Variants in PTPRT observed in about 807,000 individuals in gnomAD.
The protein encoded by PTPRT is receptor-type tyrosine-protein phosphatase T.
PTPRT carries 56 observed loss-of-function variants against 176.8 expected under a neutral mutation model. That is an observed-to-expected ratio of 0.32 (90% confidence interval 0.26 to 0.40). The LOEUF is 0.40. Ranked by LOEUF, PTPRT falls within the 10% of genes least tolerant of loss-of-function variation. The probability of loss-of-function intolerance (pLI) is 1.00; values close to 1 mark genes in which losing one functional copy is unlikely to be tolerated. For missense variants in PTPRT, 1,540 were observed against 1,908.2 expected (o/e 0.81, Z 3.60); for synonymous variants, 783 against 739.0 (o/e 1.06, Z -0.96).
At chr20:42,775,739 G>A (rs533258235) in intron 4 of PTPRT, among the ~76,000 whole-genome samples, 28 of 152,214 alleles carry the variant, frequency 1.8e-4, no homozygotes, top group African/African-American at 5.3e-4. Flanking sequence ...TCAGTCACTC[G>A]CTCCCTGGAA....
intron 18 of PTPRT, among the ~76,000 whole-genome samples, chr20:42,130,019 G>A (rs1327939125): frequency 6.6e-6 from 1 of 152,170 alleles, no homozygotes; most frequent in Non-Finnish European, 1.5e-5. Context: ...TGTTACAAAT[G>A]AGGAAACTGA....
intron 1 of PTPRT, among the ~76,000 whole-genome samples, chr20:43,078,114 T>C (rs962746363): frequency 2.6e-5 from 4 of 152,254 alleles, no homozygotes; most frequent in African/African-American, 7.2e-5. Flanking sequence ...AGCTTCATCA[T>C]AGCAGAAACT....
At chr20:42,460,230 G>C (rs1003274623) in intron 8 of PTPRT, among the ~76,000 whole-genome samples, 1 of 152,184 alleles carries the variant, frequency 6.6e-6, no homozygotes, top group African/African-American at 2.4e-5. Context: ...TTTAAAGCCG[G>C]GAGACTAGAA....
At chr20:42,262,937 G>C (rs866221348) in intron 13 of PTPRT, among the ~76,000 whole-genome samples, 3 of 152,172 alleles carry the variant, frequency 2.0e-5, no homozygotes, top group Admixed American at 6.5e-5. Flanking sequence ...GCCAGTAAAG[G>C]TTTTGCAGAG....
chr20:42,783,510 G>A (rs1421697984), intron 3 of PTPRT, among the ~76,000 whole-genome samples: 3 of 152,066 alleles, frequency 2.0e-5, no homozygotes, highest in African/African-American at 4.8e-5. Flanking sequence ...TGATCAAAAG[G>A]TGCCCCAGAA....
intron 16 of PTPRT, among the ~76,000 whole-genome samples, chr20:42,177,582 G>A (rs1020394801): frequency 2.0e-4 from 30 of 152,266 alleles, no homozygotes; most frequent in African/African-American, 7.2e-4. Flanking sequence ...AAACTACTTT[G>A]TTTTATATAG....
chr20:42,151,112 C>A (rs1989109542), intron 17 of PTPRT, among the ~76,000 whole-genome samples: 5 of 145,450 alleles, frequency 3.4e-5, no homozygotes, highest in African/African-American at 1.4e-4. Flanking sequence ...CATCTTCAGT[C>A]AAAAACATCA....
chr20:42,874,497 G>A lies in PTPRT; in HGVS notation c.214+11310C>T, dbSNP rs115782113. Among the ~76,000 whole-genome samples, 661 of 152,238 alleles carry A rather than the reference G, an allele frequency of 4.3e-3. 5 individuals carry two copies. Among genetic ancestry groups the A allele is most frequent in the African/African-American group, 0.015 (617 of 41,546 alleles). On this transcript the variant is annotated intron_variant, in intron 2 of 30. Coordinates refer to ENST00000373187, the MANE Select transcript of PTPRT (RefSeq NM_007050.6). ...TACAATTTTAAGTGTACAGATGATTGAATTAGGCAAAAGTCCACTTATGGT... is the reference window on the plus strand; with the variant it reads ...TACAATTTTAAGTGTACAGATGATTAAATTAGGCAAAAGTCCACTTATGGT...
At chr20:43,091,513 CCTCT>C (rs936496124) in intron 1 of PTPRT, among the ~76,000 whole-genome samples, 4 of 146,692 alleles carry the variant, frequency 2.7e-5, no homozygotes, top group African/African-American at 1.0e-4. Flanking sequence ...CTCTCTCCCC[CCTCT>C]CTTTCTCTCT....
intron 1 of PTPRT, among the ~76,000 whole-genome samples, chr20:43,141,237 G>A (rs1030777783): frequency 8.5e-5 from 13 of 152,116 alleles, no homozygotes; most frequent in African/African-American, 2.2e-4. Flanking sequence ...GCTTCAAATC[G>A]CCACCACTTA....
chr20:42,769,119 T>C (rs1032413976), intron 5 of PTPRT, among the ~76,000 whole-genome samples: 3 of 152,200 alleles, frequency 2.0e-5, no homozygotes, highest in Non-Finnish European at 2.9e-5. Flanking sequence ...CGTGGAGGTT[T>C]CTTATGCTCT....
At chr20:42,638,401 T>C (rs1357437742) in intron 7 of PTPRT, among the ~76,000 whole-genome samples, 2 of 152,112 alleles carry the variant, frequency 1.3e-5, no homozygotes, top group African/African-American at 2.4e-5. Flanking sequence ...CTTTTGAAGA[T>C]ACTCACCCTT....
In PTPRT at chr20:43,189,566, T is replaced by C; in HGVS notation, c.88+80A>G. ...CCCGCGAGCCCACACAACTTTCTCC[T>C]CCGAGGGCCCCGCGGCTGGGGGCCC... On this transcript the variant is annotated intron_variant, in intron 1 of 30. Transcript: ENST00000373187. This position sits in a 1 kb window ranked among gnomAD's most constrained non-coding sequence, Gnocchi z 5.0. 1.0e-6 allele frequency: 1 copy of C among 978,150 alleles called. No individual in the cohort carries two copies. Among genetic ancestry groups the C allele is most frequent in the Non-Finnish European group, 1.3e-6 (1 of 770,680 alleles). 60.6% of individuals were successfully genotyped at this position (978,150 alleles called of 1,614,324 possible).
intron 7 of PTPRT, among the ~76,000 whole-genome samples, chr20:42,567,843 A>C (rs1412669125): frequency 6.6e-6 from 1 of 152,186 alleles, no homozygotes; most frequent in Non-Finnish European, 1.5e-5. Context: ...GATACATGGC[A>C]CTTGGTCTCA....
intron 2 of PTPRT, among the ~76,000 whole-genome samples, chr20:42,838,420 G>A (rs948406918): frequency 1.3e-5 from 2 of 152,190 alleles, no homozygotes; most frequent in Admixed American, 6.5e-5. Context: ...CTTTTAATCA[G>A]AGGCTCCAGA....
chr20:42,445,197 A>C (rs1043212159), intron 9 of PTPRT, among the ~76,000 whole-genome samples: 7 of 152,206 alleles, frequency 4.6e-5, no homozygotes, highest in Admixed American at 4.6e-4. Flanking sequence ...GCATCTGGGT[A>C]ATATGAACTT....
At chr20:42,344,294 T>C (rs4812588) in intron 11 of PTPRT, among the ~76,000 whole-genome samples, 101,097 of 152,076 alleles carry the variant, frequency 0.66, 33,851 homozygotes, top group East Asian at 0.93. Context: ...TTCCCATTTA[T>C]CGACAAGCAA....
chr20:42,928,297 A>G (rs899905254), intron 1 of PTPRT, among the ~76,000 whole-genome samples: 16 of 152,242 alleles, frequency 1.1e-4, no homozygotes, highest in Admixed American at 6.5e-5. Context: ...AGCTGCTCCC[A>G]GCAAGGTGGC....
At chr20:42,699,778 G>C (rs887738465) in intron 6 of PTPRT, among the ~76,000 whole-genome samples, 1 of 152,080 alleles carries the variant, frequency 6.6e-6, no homozygotes, top group Admixed American at 6.5e-5. Context: ...TCCTCACTAC[G>C]CCAAGTACAG....
Sources: gnomAD v4.1 joint callset for allele counts (sites outside exome capture counted in the v4.1 genomes callset) on GRCh38, gnomAD v4.1.1 for gene constraint, Gnocchi (gnomAD v3.1) non-coding constraint, MANE v1.5 for transcripts, NCBI Gene and HGNC (gene_info 2026-07-23, HGNC 2026-07-21) for gene names.